The following MYH7B variants were observed in gnomAD, a reference collection of about 807,000 sequenced individuals.
The protein encoded by MYH7B is myosin heavy chain 7B.
MYH7B carries 205 observed loss-of-function variants against 234.5 expected under a neutral mutation model. The observed-to-expected ratio is 0.87, with a 90% CI of 0.78 to 0.98. The LOEUF is 0.98. Ranked by LOEUF, MYH7B falls within the 50% of genes least tolerant of loss-of-function variation. The pLI is 0.00. For synonymous variants in MYH7B, 1,193 were observed against 1,105.0 expected (o/e 1.08, Z -1.58); for missense variants, 2,652 against 2,633.4 (o/e 1.01, Z -0.15).
intron 2 of MYH7B, among the ~76,000 whole-genome samples, chr20:34,961,670 C>T (rs1187049246): frequency 6.6e-6 from 1 of 152,220 alleles, no homozygotes; most frequent in Non-Finnish European, 1.5e-5. Flanking sequence ...TCCCCAGCCC[C>T]TGGCAACCAG....
chr20:35,001,612 T>TA, intron 43 of MYH7B, 86 bp downstream of exon 43: 1 of 1,204,694 alleles, frequency 8.3e-7, no homozygotes, highest in Non-Finnish European at 1.2e-6. Context: ...CAGCAGCAGC[T>TA]CCACCCTCCA....
Position 34,986,081 on chromosome 20 carries a change from C to A in MYH7B, c.806-19C>A. The A allele has an allele frequency of 6.4e-7, 1 of 1,557,422 alleles. No homozygotes were observed. Among genetic ancestry groups the A allele is most frequent in the Non-Finnish European group, 8.7e-7 (1 of 1,146,996 alleles). Reference sequence around the variant, plus strand: ...TGGGGAGGTGTGGGAGATGGCAGGCCAGCGTCCCTTCTCCCCAGATCTCCT... The same window carrying A: ...TGGGGAGGTGTGGGAGATGGCAGGCAAGCGTCCCTTCTCCCCAGATCTCCT... On this transcript the variant is annotated intron_variant, in intron 13 of 44. Transcript: ENST00000262873.
At chr20:34,994,313 C>G in exon 27 of MYH7B, 3 of 1,610,278 alleles carry the variant, frequency 1.9e-6, no homozygotes, top group Non-Finnish European at 2.5e-6. Context: ...GGGGCGCTGG[C>G]TGCGGCCGAG....
chr20:35,001,003 G>A (rs755639411), exon 41 of MYH7B: 11 of 1,613,742 alleles, frequency 6.8e-6, no homozygotes, highest in African/African-American at 4.0e-5. Flanking sequence ...CATGATGGCC[G>A]AGGAGCTGAA....
intron 9 of MYH7B, 173 bp downstream of exon 9, chr20:34,981,233 C>G: frequency 1.4e-6 from 1 of 723,016 alleles, no homozygotes; most frequent in South Asian, 1.9e-5. Context: ...TTCCCTGCCC[C>G]CATTCTGAAC....
intron 16 of MYH7B, 98 bp from the exon 17 acceptor site, chr20:34,987,459 C>A: frequency 4.3e-6 from 6 of 1,410,216 alleles, no homozygotes; most frequent in Non-Finnish European, 5.9e-6. Flanking sequence ...GAACTTGACC[C>A]CTCTTAACTT....
chr20:34,960,392 C>T (rs924775471), intron 2 of MYH7B, among the ~76,000 whole-genome samples: 8 of 152,282 alleles, frequency 5.3e-5, no homozygotes, highest in African/African-American at 1.7e-4. Context: ...CCTGCCACCA[C>T]GCCCGCCTAA....
chr20:34,979,594 G>A, intron 6 of MYH7B, 67 bp from the exon 7 acceptor site: 1 of 1,607,626 alleles, frequency 6.2e-7, no homozygotes, highest in African/African-American at 1.3e-5. Flanking sequence ...GTATGTGGGT[G>A]GGGGTGACAG....
rs148033498 is a variant in MYH7B, at chr20:34,984,228, A to G, written c.625-464A>G. The stretch of plus-strand genomic sequence containing the variant: ...TGAAGACACACCCAGTTGCATTACA[A>G]AGGAGAGGTGTGTAAGGTCATAGTG... On this transcript the variant is annotated intron_variant, in intron 10 of 44. Transcript: ENST00000262873. Among the ~76,000 whole-genome samples, 1,116 of 152,328 alleles carry G rather than the reference A, an allele frequency of 7.3e-3. 12 individuals are homozygous for G. Among genetic ancestry groups the G allele is most frequent in the African/African-American group, 0.024 (988 of 41,564 alleles).
intron 10 of MYH7B, among the ~76,000 whole-genome samples, chr20:34,984,451 G>T (rs1322843210): frequency 1.3e-5 from 2 of 152,148 alleles, no homozygotes; most frequent in African/African-American, 4.8e-5. Flanking sequence ...CCGGGCTGGG[G>T]CAGAGGAGGC....
intron 2 of MYH7B, among the ~76,000 whole-genome samples, chr20:34,962,000 A>G (rs2081702485): frequency 1.3e-5 from 2 of 152,158 alleles, no homozygotes; most frequent in South Asian, 2.1e-4. Flanking sequence ...TGCGAGGTTG[A>G]GGTGGGAGGA....
chr20:34,978,660 A>G (rs1276590485), intron 5 of MYH7B, among the ~76,000 whole-genome samples: 1 of 152,166 alleles, frequency 6.6e-6, no homozygotes, highest in Non-Finnish European at 1.5e-5. Flanking sequence ...CACCAGACCT[A>G]GCTTCACAGG....
chr20:34,957,992 C>T (rs971881819), intron 1 of MYH7B, among the ~76,000 whole-genome samples, 106 bp from the exon 2 acceptor site: 42 of 152,106 alleles, frequency 2.8e-4, no homozygotes, highest in Admixed American at 9.2e-4. Context: ...AGAATAGGCC[C>T]CAGGTGGCAG....
At chr20:35,002,293 A>C (rs4911167) in exon 45 of MYH7B, 1 of 1,338,958 alleles carries the variant, frequency 7.5e-7, no homozygotes, top group Non-Finnish European at 1.0e-6. Context: ...TGCTGCCTTC[A>C]GCCTTCCCTG....
At chr20:34,996,810 T>A in intron 30 of MYH7B, 52 bp downstream of exon 30, 1 of 1,575,306 alleles carries the variant, frequency 6.3e-7, no homozygotes, top group South Asian at 1.2e-5. Flanking sequence ...CACCTGGCCC[T>A]TGTTCCCTTC....
rs372297193 is a variant in MYH7B at position 35,001,356 on chromosome 20, G to A, written c.5580+7G>A. On this transcript the variant is annotated splice_region_variant and intron_variant, in intron 42 of 44. Transcript: ENST00000262873. ...CAAGGAGCTCGCATACCAGGTGGGC[G>A]ACAGGGTCTCCCTGGGGAGTGGCCC... 1.7e-5 allele frequency: 28 copies of A among 1,604,356 alleles called. No homozygotes were observed. The highest frequency in any genetic ancestry group is 1.6e-4 in the Middle Eastern group (1 of 6,062).
intron 5 of MYH7B, among the ~76,000 whole-genome samples, 200 bp from the exon 6 acceptor site, chr20:34,979,190 T>G (rs2081902059): frequency 6.6e-6 from 1 of 152,044 alleles, no homozygotes; most frequent in Non-Finnish European, 1.5e-5. Context: ...CATCCTCCAA[T>G]AAGGGGATCT....
intron 2 of MYH7B, among the ~76,000 whole-genome samples, chr20:34,970,843 G>A (rs2081786576): frequency 6.6e-6 from 1 of 152,192 alleles, no homozygotes; most frequent in African/African-American, 2.4e-5. Flanking sequence ...AACATCGAAA[G>A]AACAAGACCC....
intron 1 of MYH7B, among the ~76,000 whole-genome samples, chr20:34,957,565 C>T (rs2081653270): frequency 6.7e-6 from 1 of 148,920 alleles, no homozygotes; most frequent in African/African-American, 2.5e-5. Context: ...TCTCAGCTCA[C>T]TGCAACCTCC....
Sources: allele counts gnomAD v4.1 joint callset (sites outside exome capture counted in the v4.1 genomes callset), GRCh38; gene constraint gnomAD v4.1.1; transcripts MANE v1.5; gene names NCBI Gene and HGNC (gene_info 2026-07-23, HGNC 2026-07-21).